DCC: variants seen among roughly 807,000 people sequenced by gnomAD.
DCC encodes netrin receptor DCC.
A neutral mutation model predicts 172.5 loss-of-function variants in DCC; 58 were observed. The ratio of observed to expected loss-of-function variants is 0.34; its 90% CI spans 0.27 to 0.42. DCC has a LOEUF of 0.42. Ranked by LOEUF, DCC falls within the 10% of genes least tolerant of loss-of-function variation. The pLI is 1.00. For missense variants in DCC, 1,740 were observed against 1,791.0 expected, an observed-to-expected ratio of 0.97 and a Z score of 0.51; for synonymous variants, 709 against 644.5, an observed-to-expected ratio of 1.10 and a Z score of -1.52.
intron 1 of DCC, among the ~76,000 whole-genome samples, chr18:52,506,878 G>GTTAC (rs1439549372): frequency 6.6e-6 from 1 of 152,068 alleles, no homozygotes; most frequent in Non-Finnish European, 1.5e-5. Context: ...AGTGACAGTT[G>GTTAC]TTACGGATAT....
chr18:53,274,341 T>C (rs926563821), intron 12 of DCC, among the ~76,000 whole-genome samples: 4 of 152,158 alleles, frequency 2.6e-5, no homozygotes, highest in Non-Finnish European at 5.9e-5. Flanking sequence ...CAGAATCTCA[T>C]AGTCAAGTTG....
chr18:53,261,673 G>T lies in DCC; in HGVS notation c.1912-43905G>T, dbSNP rs376319247. Among the ~76,000 whole-genome samples the T allele has an allele frequency of 1.7e-3, 264 of 152,120 alleles. 1 individual carries two copies. The highest frequency in any genetic ancestry group is 6.1e-3 in the African/African-American group (254 of 41,502). On this transcript the variant is annotated intron_variant, in intron 12 of 28. Coordinates refer to ENST00000442544, the MANE Select transcript of DCC (RefSeq NM_005215.4). Reference sequence around the variant, plus strand: ...ACTACAGGTGCCTGCCATCATACCCGGCTAATTTTTTGTATTTTTAGTAGA... The same window carrying T: ...ACTACAGGTGCCTGCCATCATACCCTGCTAATTTTTTGTATTTTTAGTAGA...
At chr18:52,434,406 T>C (rs1987722620) in intron 1 of DCC, among the ~76,000 whole-genome samples, 2 of 152,084 alleles carry the variant, frequency 1.3e-5, no homozygotes, top group Non-Finnish European at 2.9e-5. Context: ...ATGCTAAGAG[T>C]GCCCAAAAAT....
intron 16 of DCC, among the ~76,000 whole-genome samples, chr18:53,387,671 T>C (rs1444491556): frequency 6.6e-6 from 1 of 152,222 alleles, no homozygotes; most frequent in African/African-American, 2.4e-5. Flanking sequence ...CAAGATTCTT[T>C]GTGAGCAAAC....
chr18:53,359,451 A>C (rs1360528763), intron 15 of DCC, among the ~76,000 whole-genome samples: 1 of 152,124 alleles, frequency 6.6e-6, no homozygotes, highest in Admixed American at 6.5e-5. Flanking sequence ...TGAGAAAAAA[A>C]TATTCTCCAC....
intron 1 of DCC, among the ~76,000 whole-genome samples, chr18:52,707,215 T>C (rs2036225373): frequency 1.3e-5 from 2 of 152,198 alleles, no homozygotes; most frequent in African/African-American, 4.8e-5. Context: ...GATTTATTAT[T>C]ATTATTGCTT....
intron 14 of DCC, among the ~76,000 whole-genome samples, chr18:53,337,650 G>A (rs921000461): frequency 4.0e-5 from 6 of 151,566 alleles, no homozygotes; most frequent in Admixed American, 6.6e-5. Context: ...ATCTTTGGGG[G>A]AAAAAAAAGC....
intron 4 of DCC, among the ~76,000 whole-genome samples, chr18:52,924,307 G>A (rs915630069): frequency 6.6e-6 from 1 of 152,072 alleles, no homozygotes; most frequent in Non-Finnish European, 1.5e-5. Flanking sequence ...AGTCTACACT[G>A]TTATTATATG....
At chr18:52,607,082 T>C (rs2034148909) in intron 1 of DCC, among the ~76,000 whole-genome samples, 1 of 152,128 alleles carries the variant, frequency 6.6e-6, no homozygotes, top group Non-Finnish European at 1.5e-5. Context: ...TCAGTAGCTT[T>C]ACACAACAAA....
intron 26 of DCC, among the ~76,000 whole-genome samples, chr18:53,495,320 G>T (rs1205427999): frequency 3.3e-5 from 5 of 151,172 alleles, no homozygotes; most frequent in Non-Finnish European, 2.9e-5. Context: ...GAACCTGGGA[G>T]GCAGAGGTTG....
intron 1 of DCC, among the ~76,000 whole-genome samples, chr18:52,373,241 CT>C (rs1163302048): frequency 3.3e-5 from 5 of 152,082 alleles, no homozygotes; most frequent in Admixed American, 1.3e-4. Context: ...ATCTTTCCCC[CT>C]ACCCTCAAAT....
At chr18:53,443,395 A>G (rs914061846) in intron 22 of DCC, among the ~76,000 whole-genome samples, 6 of 152,230 alleles carry the variant, frequency 3.9e-5, no homozygotes, top group African/African-American at 1.4e-4. Context: ...ATGGTTTACT[A>G]AACATTTTAA....
intron 12 of DCC, among the ~76,000 whole-genome samples, chr18:53,233,842 A>C (rs1264473998): frequency 6.6e-6 from 1 of 152,184 alleles, no homozygotes; most frequent in East Asian, 1.9e-4. Context: ...GGCCAGGTAC[A>C]GTGGCTCAAG....
In DCC at chr18:52,896,168, T is replaced by C. The variant is rs187414329; in HGVS notation, c.413-9876T>C. Among the ~76,000 whole-genome samples the C allele has an allele frequency of 4.6e-5, 7 of 152,332 alleles. No individual in the cohort carries two copies. In the East Asian group the frequency reaches 7.7e-4, roughly 17 times the overall value. The stretch of plus-strand genomic sequence containing the variant: ...CACACTTTCACAGTATTGTTAATTA[T>C]CATTTTAAGAGGTTTTTTGCAACAC... On this transcript the variant is annotated intron_variant, in intron 2 of 28. Coordinates refer to ENST00000442544, the MANE Select transcript of DCC (RefSeq NM_005215.4).
At chr18:52,672,693 C>T (rs1021689602) in intron 1 of DCC, among the ~76,000 whole-genome samples, 1 of 148,326 alleles carries the variant, frequency 6.7e-6, no homozygotes, top group Non-Finnish European at 1.5e-5. Context: ...TTCCTTCTTC[C>T]CTTGCAAAGA....
rs116211513 is a variant in DCC, at chr18:52,614,537, A to T, written c.92-137517A>T. Reference sequence around the variant, plus strand: ...GACAGTGTTGACGGCTACACCAACGATTTGTCTAAGATACGCATTTTATCA... The same window carrying T: ...GACAGTGTTGACGGCTACACCAACGTTTTGTCTAAGATACGCATTTTATCA... On this transcript the variant is annotated intron_variant, in intron 1 of 28. Transcript: ENST00000442544. 6.5e-3 allele frequency among the ~76,000 whole-genome samples: 996 copies of T among 152,226 alleles called. 18 individuals are homozygous for T. Among genetic ancestry groups the T allele is most frequent in the African/African-American group, 0.023 (940 of 41,520 alleles).
At chr18:53,065,918 A>T in intron 6 of DCC, 128 bp from the exon 7 acceptor site, 102 of 970,014 alleles carry the variant, frequency 1.1e-4, no homozygotes, top group Middle Eastern at 2.9e-4. Flanking sequence ...CGAGGCTGAG[A>T]CCCCTCATGG....
At chr18:52,754,311 C>A (rs1003939746) in intron 2 of DCC, 3 of 152,174 alleles carry the variant, frequency 2.0e-5, no homozygotes, top group Non-Finnish European at 4.4e-5. Flanking sequence ...TGTAGCTTTT[C>A]TCCACTAAGA....
chr18:52,378,201 TG>T (rs1274428858), intron 1 of DCC, among the ~76,000 whole-genome samples: 1 of 152,112 alleles, frequency 6.6e-6, no homozygotes, highest in Admixed American at 6.6e-5. Context: ...GGAAAGTGAA[TG>T]TCTTTACTTA....
Sources: gnomAD v4.1 joint callset for allele counts (sites outside exome capture counted in the v4.1 genomes callset) on GRCh38, gnomAD v4.1.1 for gene constraint, MANE v1.5 for transcripts, NCBI Gene and HGNC (gene_info 2026-07-23, HGNC 2026-07-21) for gene names.